The following ASTN2 variants were observed in gnomAD, a reference collection of about 807,000 sequenced individuals.
ASTN2 encodes astrotactin 2.
In ASTN2, 54 loss-of-function variants were observed where a neutral mutation model predicts 139.8. That is an observed-to-expected ratio of 0.39 (90% confidence interval 0.31 to 0.48). ASTN2 has a LOEUF of 0.48. Among genes scored for constraint, ASTN2 ranks in the 20% least tolerant of loss-of-function variants. The pLI, the probability that ASTN2 is intolerant of heterozygous loss-of-function variation, is 0.95. For missense variants in ASTN2, 1,565 were observed against 1,725.1 expected (o/e 0.91, Z 1.64); for synonymous variants, 756 against 719.5 (o/e 1.05, Z -0.81).
Position 117,075,753 on chromosome 9 carries a change from G to A in ASTN2, c.1276+20291C>T, listed in dbSNP as rs935229042. ...TACAACTTAAAAGCTTTCAGGCTTT[G>A]GAGTTAGACACAAGCTTAATTCTCT... On this transcript the variant is annotated intron_variant, in intron 5 of 22. Transcript: ENST00000313400. 2.4e-4 allele frequency among the ~76,000 whole-genome samples: 36 copies of A among 152,282 alleles called. 1 individual carries two copies. The highest frequency in any genetic ancestry group is 8.2e-4 in the African/African-American group (34 of 41,568).
intron 20 of ASTN2, among the ~76,000 whole-genome samples, chr9:116,484,323 T>A (rs1275834679): frequency 1.3e-5 from 2 of 152,146 alleles, no homozygotes; most frequent in African/African-American, 4.8e-5. Context: ...AGCCTCCTTT[T>A]CCAGAGGTAG....
At chr9:117,392,306 A>T (rs558436657) in intron 1 of ASTN2, among the ~76,000 whole-genome samples, 19 of 152,338 alleles carry the variant, frequency 1.2e-4, no homozygotes, top group Non-Finnish European at 2.4e-4. Flanking sequence ...TCATAGGTTA[A>T]ACATTGAAAT....
chr9:116,695,831 G>A (rs1045843771), intron 16 of ASTN2, among the ~76,000 whole-genome samples: 1 of 152,102 alleles, frequency 6.6e-6, no homozygotes, highest in African/African-American at 2.4e-5. Flanking sequence ...GAGTGTTCAT[G>A]GTTTGTATTG....
At chr9:117,399,921 T>G (rs1345739583) in intron 1 of ASTN2, among the ~76,000 whole-genome samples, 1 of 152,276 alleles carries the variant, frequency 6.6e-6, no homozygotes, top group Non-Finnish European at 1.5e-5. Flanking sequence ...ATGTCTGTCA[T>G]GAATACAGAA....
chr9:117,069,395 C>A (rs199764260), intron 5 of ASTN2, among the ~76,000 whole-genome samples: 5,338 of 67,676 alleles, frequency 0.079, 8 homozygotes, highest in East Asian at 0.1. Context: ...AATTTCTGTT[C>A]TTTTACATTT....
At chr9:117,075,303 A>G (rs1828249763) in intron 5 of ASTN2, among the ~76,000 whole-genome samples, 1 of 152,266 alleles carries the variant, frequency 6.6e-6, no homozygotes, top group Admixed American at 6.5e-5. Flanking sequence ...ATTTATCAGC[A>G]CAGCGTCAGC....
intron 20 of ASTN2, among the ~76,000 whole-genome samples, chr9:116,451,317 A>G (rs1163486026): frequency 6.6e-6 from 1 of 152,248 alleles, no homozygotes; most frequent in Non-Finnish European, 1.5e-5. Flanking sequence ...TTCATTTACA[A>G]TTAAAGTGTG....
intron 19 of ASTN2, among the ~76,000 whole-genome samples, chr9:116,522,395 TA>T (rs1176135076): frequency 6.6e-6 from 1 of 152,148 alleles, no homozygotes; most frequent in African/African-American, 2.4e-5. Context: ...ACTATTATTC[TA>T]GGTGAAGTAA....
intron 10 of ASTN2, among the ~76,000 whole-genome samples, chr9:116,945,911 A>G (rs2132477112): frequency 6.6e-6 from 1 of 152,368 alleles, no homozygotes; most frequent in South Asian, 2.1e-4. Flanking sequence ...ACTGTTCCAC[A>G]GAATTAACAG....
chr9:116,595,079 T>C (rs187971954), intron 19 of ASTN2, among the ~76,000 whole-genome samples: 6 of 152,362 alleles, frequency 3.9e-5, no homozygotes, highest in African/African-American at 1.2e-4. Flanking sequence ...TTAATACTTC[T>C]ATGCCCTTAA....
chr9:116,488,798 A>AT, intron 19 of ASTN2, among the ~76,000 whole-genome samples: 1 of 152,288 alleles, frequency 6.6e-6, no homozygotes, highest in Non-Finnish European at 1.5e-5. Context: ...TTTCTATCTT[A>AT]TTTTTGCTTA....
chr9:116,565,407 A>ATT (rs1853167245), intron 19 of ASTN2, among the ~76,000 whole-genome samples: 4 of 109,382 alleles, frequency 3.7e-5, no homozygotes, highest in African/African-American at 1.1e-4. Context: ...ATATATATAT[A>ATT]TATATATATA....
intron 7 of ASTN2, among the ~76,000 whole-genome samples, chr9:116,988,860 T>C (rs1836758972): frequency 6.6e-6 from 1 of 152,156 alleles, no homozygotes; most frequent in Non-Finnish European, 1.5e-5. Context: ...TTCCTGCAAA[T>C]TGCTGGGTGG....
intron 7 of ASTN2, among the ~76,000 whole-genome samples, chr9:117,003,074 C>T (rs115221912): frequency 0.02 from 3,099 of 152,202 alleles, 117 homozygotes; most frequent in African/African-American, 0.069. Flanking sequence ...GGGCATGGTG[C>T]CTTCAGGAAA....
rs1554724602 is a variant in ASTN2, at chr9:116,642,132, C to CCAAAAAAAAAAAAAAAAAAAAAAAAAAA, written c.3072+9395_3072+9396insTTTTTTTTTTTTTTTTTTTTTTTTTTTG. Reference sequence around the variant, plus strand: ...TGGGAAAATGAAGGCTCCCAACCCACAAAAAAAAAAAAACAAAAAAAAACA... The same window carrying CCAAAAAAAAAAAAAAAAAAAAAAAAAAA: ...TGGGAAAATGAAGGCTCCCAACCCACCAAAAAAAAAAAAAAAAAAAAAAAAAAAAAAAAAAAAAAAACAAAAAAAAACA... On this transcript the variant is annotated intron_variant, in intron 17 of 22. Coordinates refer to ENST00000313400, the MANE Select transcript of ASTN2 (RefSeq NM_001365068.1). Among the ~76,000 whole-genome samples the CCAAAAAAAAAAAAAAAAAAAAAAAAAAA allele has an allele frequency of 1.2e-4, 6 of 48,938 alleles. 1 individual carries two copies. Among genetic ancestry groups the CCAAAAAAAAAAAAAAAAAAAAAAAAAAA allele is most frequent in the African/African-American group, 3.1e-4 (4 of 13,094 alleles). 32.1% of individuals were successfully genotyped at this position (48,938 alleles called of 152,430 possible).
chr9:116,632,205 A>AAAAAGAAAGAAAGAAAGAAAGAAAGAAAG (rs1554723307), intron 17 of ASTN2, among the ~76,000 whole-genome samples: 4 of 45,304 alleles, frequency 8.8e-5, no homozygotes, highest in Non-Finnish European at 1.1e-4. Context: ...AGAAAGAAAG[A>AAAAAGAAAGAAAGAAAGAAAGAAAGAAAG]AAAGAAAGAA....
At chr9:117,245,906 A>G (rs73655609) in intron 2 of ASTN2, among the ~76,000 whole-genome samples, 1 of 152,164 alleles carries the variant, frequency 6.6e-6, no homozygotes, top group African/African-American at 2.4e-5. Flanking sequence ...TCTCTGGGCT[A>G]CATAGAATCC....
chr9:117,140,616 AGAG>A (rs1478615737), intron 4 of ASTN2, among the ~76,000 whole-genome samples: 12 of 151,074 alleles, frequency 7.9e-5, no homozygotes, highest in Admixed American at 4.6e-4. Flanking sequence ...AGAAGGAGAA[AGAG>A]GAGGAGGAGG....
At chr9:117,171,848 A>C (rs1683482336) in intron 3 of ASTN2, among the ~76,000 whole-genome samples, 1 of 152,176 alleles carries the variant, frequency 6.6e-6, no homozygotes, top group Non-Finnish European at 1.5e-5. Context: ...TTTTTATAGC[A>C]GTGTGAAAAT....
Sources: gnomAD v4.1 joint callset for allele counts (sites outside exome capture counted in the v4.1 genomes callset) on GRCh38, gnomAD v4.1.1 for gene constraint, MANE v1.5 for transcripts, NCBI Gene and HGNC (gene_info 2026-07-23, HGNC 2026-07-21) for gene names.